GALNT1: variants seen among roughly 807,000 people sequenced by gnomAD.
The protein encoded by GALNT1 is polypeptide N-acetylgalactosaminyltransferase 1, also known as GalNAc transferase 1.
GALNT1 carries 17 observed loss-of-function variants against 65.7 expected under a neutral mutation model. That is an observed-to-expected ratio of 0.26 (90% CI 0.18 to 0.39). GALNT1 has a LOEUF of 0.39. Ranked by LOEUF, GALNT1 falls within the 10% of genes least tolerant of loss-of-function variation. The pLI is 1.00. For synonymous variants in GALNT1, 210 were observed against 219.7 expected (o/e 0.96, Z 0.39); for missense variants, 460 against 672.8 (o/e 0.68, Z 3.50).
Position 35,705,920 on chromosome 18 carries a change from G to C in GALNT1, c.1533+2277G>C, listed in dbSNP as rs561925480. On this transcript the variant is annotated intron_variant, in intron 11 of 11. Coordinates refer to ENST00000269195, the MANE Select transcript of GALNT1 (RefSeq NM_020474.4). The stretch of plus-strand genomic sequence containing the variant: ...ACTCCAGGCAGAAAGAAAAGGGAAA[G>C]AGGAATGGTACACTACCACATGTGT... 4.6e-5 allele frequency among the ~76,000 whole-genome samples: 7 copies of C among 152,306 alleles called. No individual in the cohort carries two copies. In the South Asian group the frequency reaches 1.2e-3, roughly 27 times the overall value.
At chr18:35,644,420 A>G (rs7230395) in intron 1 of GALNT1, among the ~76,000 whole-genome samples, 25,893 of 152,174 alleles carry the variant, frequency 0.17, 2,309 homozygotes, top group Admixed American at 0.25. Context: ...GAAGCTGGGA[A>G]TATAAATTGA....
chr18:35,589,472 C>T (rs1020739632), intron 1 of GALNT1, among the ~76,000 whole-genome samples: 8 of 152,160 alleles, frequency 5.3e-5, no homozygotes, highest in African/African-American at 1.9e-4. Context: ...GTAGGATGTC[C>T]CTTTCTTGGT....
intron 1 of GALNT1, among the ~76,000 whole-genome samples, chr18:35,653,848 T>C (rs1029298524): frequency 6.6e-6 from 1 of 152,238 alleles, no homozygotes; most frequent in African/African-American, 2.4e-5. Flanking sequence ...AAAATTATTG[T>C]CAGAGCCAAG....
chr18:35,604,599 A>G (rs1449595925), intron 1 of GALNT1, among the ~76,000 whole-genome samples: 1 of 152,164 alleles, frequency 6.6e-6, no homozygotes, highest in Non-Finnish European at 1.5e-5. Flanking sequence ...CTTTTTAATA[A>G]TAGTCATTCT....
chr18:35,656,090 A>G (rs2047381055), intron 2 of GALNT1, among the ~76,000 whole-genome samples: 1 of 152,236 alleles, frequency 6.6e-6, no homozygotes, highest in Non-Finnish European at 1.5e-5. Context: ...ATCAAAGAAC[A>G]GGTATTACGA....
chr18:35,652,307 T>C (rs1215010135), intron 1 of GALNT1, among the ~76,000 whole-genome samples: 1 of 152,178 alleles, frequency 6.6e-6, no homozygotes, highest in Admixed American at 6.5e-5. Flanking sequence ...CTCAGCCTCA[T>C]AGAGGGTCTA....
chr18:35,686,945 A>G, intron 5 of GALNT1, 71 bp from the exon 6 acceptor site: 1 of 1,407,136 alleles, frequency 7.1e-7, no homozygotes, highest in Non-Finnish European at 9.7e-7. Context: ...CACTTACTAT[A>G]CAATTGTTCT....
At chr18:35,708,950 C>T (rs1239030725) in intron 11 of GALNT1, among the ~76,000 whole-genome samples, 1 of 152,302 alleles carries the variant, frequency 6.6e-6, no homozygotes, top group East Asian at 1.9e-4. Flanking sequence ...CCTCAAGTTA[C>T]CCAGGCTGTG....
intron 1 of GALNT1, among the ~76,000 whole-genome samples, chr18:35,632,585 A>G (rs1426714789): frequency 6.6e-6 from 1 of 152,178 alleles, no homozygotes; most frequent in Non-Finnish European, 1.5e-5. Context: ...CAGACCTAAA[A>G]CCAGAAAAAC....
chr18:35,620,794 TG>T (rs770894600), intron 1 of GALNT1, among the ~76,000 whole-genome samples: 2,281 of 151,262 alleles, frequency 0.015, 58 homozygotes, highest in African/African-American at 0.05. Flanking sequence ...TTTTTTTTTT[TG>T]GTCATTATAA....
At chr18:35,617,082 G>A (rs16966897) in intron 1 of GALNT1, among the ~76,000 whole-genome samples, 15,469 of 151,910 alleles carry the variant, frequency 0.1, 1,011 homozygotes, top group African/African-American at 0.19. Flanking sequence ...TGCAAGCGGC[G>A]CATTGCAGGC....
intron 3 of GALNT1, 93 bp from the exon 4 acceptor site, chr18:35,677,498 T>G (rs2047727396): frequency 1.0e-6 from 1 of 973,128 alleles, no homozygotes; most frequent in East Asian, 2.6e-5. Context: ...TAGAGCAAAC[T>G]GCTTTTATTG....
chr18:35,670,255 C>T (rs1240744431), intron 3 of GALNT1, among the ~76,000 whole-genome samples: 1 of 151,966 alleles, frequency 6.6e-6, no homozygotes, highest in African/African-American at 2.4e-5. Context: ...TTACACCACA[C>T]TGCACTCCAG....
At chr18:35,650,005 A>G (rs1435475040) in intron 1 of GALNT1, among the ~76,000 whole-genome samples, 1 of 152,148 alleles carries the variant, frequency 6.6e-6, no homozygotes, top group African/African-American at 2.4e-5. Flanking sequence ...TTTTCCTCTT[A>G]GAAGAGTGGG....
At chr18:35,708,942 T>G (rs1409529664) in intron 11 of GALNT1, among the ~76,000 whole-genome samples, 1 of 152,230 alleles carries the variant, frequency 6.6e-6, no homozygotes, top group East Asian at 1.9e-4. Flanking sequence ...ATGAGAAACC[T>G]CAAGTTACCC....
chr18:35,697,229 T>TGA (rs3837905), intron 9 of GALNT1, among the ~76,000 whole-genome samples: 17 of 151,876 alleles, frequency 1.1e-4, no homozygotes, highest in African/African-American at 3.6e-4. Context: ...TTAACAAACC[T>TGA]GAGAGAGAGA....
At chr18:35,616,413 G>A (rs1028754063) in intron 1 of GALNT1, among the ~76,000 whole-genome samples, 3 of 152,152 alleles carry the variant, frequency 2.0e-5, no homozygotes, top group Non-Finnish European at 4.4e-5. Context: ...AAAGTGCTCA[G>A]CACACAGTAA....
In GALNT1 at chr18:35,711,089, A is replaced by G. The variant is rs917783533; in HGVS notation, c.*1319A>G. 1.3e-5 allele frequency: 2 copies of G among 152,468 alleles called. No individual in the cohort carries two copies. Among genetic ancestry groups the G allele is most frequent in the African/African-American group, 4.8e-5 (2 of 41,400 alleles). The allele number at this position is 152,468 out of a possible 1,614,324, so 9.4% of individuals were successfully genotyped here. ...TTTTCCTAAATCTTATTTAGGCTAA[A>G]TCAGTTTTATTTTTCTCTGATTTTT... On this transcript the variant is annotated 3_prime_UTR_variant, in exon 12 of 12. Coordinates refer to ENST00000269195, the MANE Select transcript of GALNT1 (RefSeq NM_020474.4).
At chr18:35,637,692 A>T (rs929423060) in intron 1 of GALNT1, among the ~76,000 whole-genome samples, 1 of 152,250 alleles carries the variant, frequency 6.6e-6, no homozygotes, top group African/African-American at 2.4e-5. Context: ...AGGTGGCTAC[A>T]CTAAAAAACA....
Sources: allele counts gnomAD v4.1 joint callset (sites outside exome capture counted in the v4.1 genomes callset), GRCh38; gene constraint gnomAD v4.1.1; transcripts MANE v1.5; gene names NCBI Gene and HGNC (gene_info 2026-07-23, HGNC 2026-07-21).